MMP26: variants seen among roughly 807,000 people sequenced by gnomAD.
The protein encoded by MMP26 is matrix metallopeptidase 26, also known as matrix metalloproteinase-26.
A neutral mutation model predicts 31.0 loss-of-function variants in MMP26; 33 were observed. The observed-to-expected ratio is 1.06, with a 90% CI of 0.81 to 1.42. The LOEUF is 1.42. MMP26 is among the 40% of genes most tolerant of loss of function. The pLI, the probability that MMP26 is intolerant of heterozygous loss-of-function variation, is 0.00. For missense variants in MMP26, 347 were observed against 316.1 expected (o/e 1.10, Z -0.74); for synonymous variants, 122 against 114.9 (o/e 1.06, Z -0.40).
intron 2 of MMP26, among the ~76,000 whole-genome samples, chr11:4,874,000 A>G (rs1216791076): frequency 1.3e-5 from 2 of 152,100 alleles, no homozygotes; most frequent in Non-Finnish European, 2.9e-5. Flanking sequence ...CACTTATTAT[A>G]TAAGTGAAAG....
intron 1 of MMP26, among the ~76,000 whole-genome samples, chr11:4,734,303 G>A (rs1848209515): frequency 6.6e-6 from 1 of 152,094 alleles, no homozygotes; most frequent in Admixed American, 6.6e-5. Context: ...TCCTTCTTGA[G>A]AAGTTTTACA....
At chr11:4,907,998 T>C in intron 2 of MMP26, 1 of 1,614,226 alleles carries the variant, frequency 6.2e-7, no homozygotes, top group South Asian at 1.1e-5. Context: ...ATGCTGGACT[T>C]GGCACTGATT....
rs541906396 is a variant in MMP26, at chr11:4,833,793, A to C, written c.-145+66452A>C. ...AGTCAATTTGGAGAGGAAGTTATAG[A>C]AGGGCCATGGCACTTGACAGTGTTT... On this transcript the variant is annotated intron_variant, in intron 2 of 7. Transcript: ENST00000380390. Among the ~76,000 whole-genome samples, 8 of 152,272 alleles carry C rather than the reference A, an allele frequency of 5.3e-5. No homozygotes were observed. In the South Asian group the frequency reaches 1.7e-3, roughly 32 times the overall value.
intron 2 of MMP26, chr11:4,915,319 G>A (rs775127617): frequency 4.2e-5 from 67 of 1,613,822 alleles, no homozygotes; most frequent in African/African-American, 3.9e-4. Context: ...CAGAGGACTC[G>A]AGGAAGGAGA....
chr11:4,982,364 G>A (rs1450644338), intron 2 of MMP26, among the ~76,000 whole-genome samples: 1 of 152,098 alleles, frequency 6.6e-6, no homozygotes, highest in Non-Finnish European at 1.5e-5. Context: ...GGAATTTCCA[G>A]CTTCATTACA....
At chr11:4,786,504 T>A (rs897541135) in intron 2 of MMP26, among the ~76,000 whole-genome samples, 8 of 100,130 alleles carry the variant, frequency 8.0e-5, no homozygotes, top group Non-Finnish European at 1.3e-4. Context: ...TTTTTTTTTT[T>A]TTTTTTTTTT....
chr11:4,744,264 TAGAA>T (rs1477815812), intron 1 of MMP26, among the ~76,000 whole-genome samples: 1 of 152,232 alleles, frequency 6.6e-6, no homozygotes, highest in Non-Finnish European at 1.5e-5. Flanking sequence ...TTCAGCACAT[TAGAA>T]AGAATCTCTA....
chr11:4,923,308 A>T, intron 2 of MMP26: 2 of 1,483,260 alleles, frequency 1.3e-6, no homozygotes, highest in Non-Finnish European at 1.8e-6. Context: ...ATTTTGCCAC[A>T]GCACAGCTGA....
intron 1 of MMP26, chr11:4,719,524 G>A (rs1016130586): frequency 6.5e-6 from 1 of 153,634 alleles, no homozygotes; most frequent in African/African-American, 2.4e-5. Flanking sequence ...ACGCTAGGCT[G>A]TGCTAAAAGT....
Position 4,801,775 on chromosome 11 carries a change from C to T in MMP26, c.-145+34434C>T, listed in dbSNP as rs181520713. Among the ~76,000 whole-genome samples the T allele has an allele frequency of 3.2e-3, 480 of 152,118 alleles. 3 individuals are homozygous for T. The highest frequency in any genetic ancestry group is 4.8e-3 in the Non-Finnish European group (328 of 68,012). ...TAGGATGGTCTTGATCTCTTGACCT[C>T]GTGATCCGCCTGCCTCGGCTCCCGA... On this transcript the variant is annotated intron_variant, in intron 2 of 7. Coordinates refer to ENST00000380390, the MANE Select transcript of MMP26 (RefSeq NM_021801.5).
At chr11:4,798,348 T>C (rs949234198) in intron 2 of MMP26, among the ~76,000 whole-genome samples, 2 of 152,208 alleles carry the variant, frequency 1.3e-5, no homozygotes, top group African/African-American at 2.4e-5. Context: ...AAATTTTTCA[T>C]GTCAAGGTGG....
At chr11:4,714,646 C>T (rs188878792) in intron 1 of MMP26, among the ~76,000 whole-genome samples, 28 of 152,210 alleles carry the variant, frequency 1.8e-4, no homozygotes, top group Admixed American at 7.9e-4. Flanking sequence ...TGGAGAACTC[C>T]GGCTAGCTCT....
chr11:4,939,224 C>T (rs1846173522), intron 2 of MMP26, among the ~76,000 whole-genome samples: 1 of 152,040 alleles, frequency 6.6e-6, no homozygotes, highest in African/African-American at 2.4e-5. Flanking sequence ...TAACACCTAG[C>T]ATAGTAAATG....
intron 2 of MMP26, chr11:4,848,880 A>G: frequency 1.2e-6 from 2 of 1,614,186 alleles, no homozygotes; most frequent in Non-Finnish European, 1.7e-6. Context: ...ATGGATAAAA[A>G]CCATCTGTAG....
Position 4,884,278 on chromosome 11 carries a change from G to A in MMP26, c.-144-103790G>A, listed in dbSNP as rs531588872. Among the ~76,000 whole-genome samples, 16 of 152,026 alleles carry A rather than the reference G, an allele frequency of 1.1e-4. No homozygotes were observed. The East Asian group carries it at 1.4e-3, about 13-fold the overall frequency. On this transcript the variant is annotated intron_variant, in intron 2 of 7. Coordinates refer to ENST00000380390, the MANE Select transcript of MMP26 (RefSeq NM_021801.5). ...AAGTATGCAATTATAAGTAAAATTC[G>A]GTTTTTCAAACTCCAAGTCCCTCAT...
chr11:4,767,587 A>G (rs1382600733), intron 2 of MMP26, among the ~76,000 whole-genome samples: 3 of 152,214 alleles, frequency 2.0e-5, no homozygotes, highest in Non-Finnish European at 2.9e-5. Flanking sequence ...TATTAAATTA[A>G]ATTGAACAAT....
At chr11:4,780,366 G>A (rs941962475) in intron 2 of MMP26, among the ~76,000 whole-genome samples, 5 of 150,554 alleles carry the variant, frequency 3.3e-5, no homozygotes, top group Admixed American at 2.0e-4. Flanking sequence ...TCCAATTTTA[G>A]CCACTCTGAC....
chr11:4,916,930 G>T (rs775338107), intron 2 of MMP26, among the ~76,000 whole-genome samples: 1 of 152,166 alleles, frequency 6.6e-6, no homozygotes, highest in Non-Finnish European at 1.5e-5. Context: ...TGCTGGAAAG[G>T]CCCAGTCTTC....
At chr11:4,913,434 T>C (rs1429305945) in intron 2 of MMP26, 6 of 152,228 alleles carry the variant, frequency 3.9e-5, no homozygotes, top group Admixed American at 3.9e-4. Context: ...TGCTTCTCTC[T>C]AGGTGTTCGA....
Sources: gnomAD v4.1 joint callset for allele counts (sites outside exome capture counted in the v4.1 genomes callset) on GRCh38, gnomAD v4.1.1 for gene constraint, MANE v1.5 for transcripts, NCBI Gene and HGNC (gene_info 2026-07-23, HGNC 2026-07-21) for gene names.